Variants in FUBP1 observed in about 807,000 individuals in gnomAD.
FUBP1 encodes far upstream element binding protein 1.
Under a neutral mutation model 94.9 loss-of-function variants are expected in FUBP1, and 16 were observed. That is an observed-to-expected ratio of 0.17 (90% confidence interval 0.11 to 0.26). The LOEUF is 0.26. FUBP1 is among the 10% of genes least tolerant of loss of function. The pLI, the probability that FUBP1 is intolerant of heterozygous loss-of-function variation, is 1.00. For synonymous variants in FUBP1, 279 were observed against 254.9 expected, an observed-to-expected ratio of 1.09 and a Z score of -0.90; for missense variants, 583 against 808.6, an observed-to-expected ratio of 0.72 and a Z score of 3.38.
chr1:77,960,561 C>T, intron 14 of FUBP1, 66 bp from the exon 15 acceptor site: 1 of 1,257,844 alleles, frequency 8.0e-7, no homozygotes, highest in Non-Finnish European at 1.1e-6. Context: ...ACTCTACGGC[C>T]AAATAATCAT....
At chr1:77,961,086 AAT>A (rs1655388241) in intron 14 of FUBP1, among the ~76,000 whole-genome samples, 1 of 152,206 alleles carries the variant, frequency 6.6e-6, no homozygotes. Context: ...CATGATGTTT[AAT>A]AGCACAAAAA....
Position 77,964,965 on chromosome 1 carries a change from G to A in FUBP1, c.640C>T (p.Arg214Trp), listed in dbSNP as rs1656198669. ...GGETIKQLQERAGVKMVMIQD... is the reference protein window; with the variant it reads ...GGETIKQLQEWAGVKMVMIQD... ...ATCATAACCATTTTAACTCCAGCCC[G>A]TTCCTGTTACAATCATAGAAATAAT... The change falls in exon 9 of 20, where the codon CGG becomes TGG. Residue 214 changes from arginine to tryptophan, a missense_variant. By Grantham distance (101) the Arg-to-Trp change is moderately radical. Coordinates refer to ENST00000370768, the MANE Select transcript of FUBP1 (RefSeq NM_003902.5). The A allele has an allele frequency of 3.1e-6, 5 of 1,609,262 alleles. No individual in the cohort carries two copies. Among genetic ancestry groups the A allele is most frequent in the Admixed American group, 1.7e-5 (1 of 59,976 alleles).
At chr1:77,968,051 T>C (rs1220577171) in intron 3 of FUBP1, 114 bp downstream of exon 3, 17 of 641,524 alleles carry the variant, frequency 2.6e-5, no homozygotes, top group Non-Finnish European at 4.5e-5. Flanking sequence ...TCAGGCTAGC[T>C]GATCCAAAAT....
At chr1:77,972,095 T>C (rs566427552) in intron 1 of FUBP1, among the ~76,000 whole-genome samples, 1 of 152,296 alleles carries the variant, frequency 6.6e-6, no homozygotes, top group African/African-American at 2.4e-5. Context: ...AAACCTGTTT[T>C]TGTTTCTGGG....
At chr1:77,972,446 A>G (rs1657739151) in intron 1 of FUBP1, among the ~76,000 whole-genome samples, 2 of 152,038 alleles carry the variant, frequency 1.3e-5, no homozygotes, top group Admixed American at 1.3e-4. Flanking sequence ...AACTAACCAA[A>G]TGAAAATGAA....
chr1:77,977,436 G>A (rs1343216889), intron 1 of FUBP1, among the ~76,000 whole-genome samples: 1 of 152,206 alleles, frequency 6.6e-6, no homozygotes, highest in Non-Finnish European at 1.5e-5. Flanking sequence ...TGAGGCAGGA[G>A]AATTGCTTGA....
At chr1:77,976,415 A>T (rs901704960) in intron 1 of FUBP1, among the ~76,000 whole-genome samples, 1 of 152,242 alleles carries the variant, frequency 6.6e-6, no homozygotes, top group African/African-American at 2.4e-5. Flanking sequence ...AGCATTATAC[A>T]ACAATAAATT....
chr1:77,956,290 A>T (rs1654445112), intron 17 of FUBP1, among the ~76,000 whole-genome samples: 1 of 152,190 alleles, frequency 6.6e-6, no homozygotes, highest in Non-Finnish European at 1.5e-5. Flanking sequence ...ATTATAATGG[A>T]TATTTAAAAT....
chr1:77,955,719 G>A (rs1021587411), intron 17 of FUBP1, among the ~76,000 whole-genome samples: 11 of 152,220 alleles, frequency 7.2e-5, no homozygotes, highest in East Asian at 1.9e-4. Flanking sequence ...TACATATATC[G>A]ATGTTTATGT....
Position 77,964,303 on chromosome 1 carries a change from C to T in FUBP1, c.891G>A (p.Met297Ile), listed in dbSNP as rs1045993780. ...VGIVIGRNGE[M>I]IKKIQNDAGV... ...CAGCATCATTTTGTATTTTTTTGAT[C>T]ATCTCTCCATTTCTTCCTATTACAA... Residue 297 changes from methionine (M) to isoleucine (I), a missense_variant, in exon 11 of 20, where the codon ATG becomes ATA. Physicochemically the swap from Met to Ile is conservative, Grantham distance 10 (BLOSUM62 1). Coordinates refer to ENST00000370768, the MANE Select transcript of FUBP1 (RefSeq NM_003902.5). The T allele has an allele frequency of 6.2e-7, 1 of 1,608,640 alleles. No homozygotes were observed. Among genetic ancestry groups the T allele is most frequent in the Non-Finnish European group, 8.5e-7 (1 of 1,178,904 alleles).
At chr1:77,968,977 T>G in intron 2 of FUBP1, 1 of 654,874 alleles carries the variant, frequency 1.5e-6, no homozygotes, top group Non-Finnish European at 2.5e-6. Flanking sequence ...ACTGGTTTAT[T>G]TCACGTTTAC....
chr1:77,955,380 A>C, intron 17 of FUBP1, 51 bp from the exon 18 acceptor site: 1 of 1,134,366 alleles, frequency 8.8e-7, no homozygotes, highest in Non-Finnish European at 1.3e-6. Flanking sequence ...TTTAAAAGGC[A>C]ATTTTGGCCG....
intron 17 of FUBP1, among the ~76,000 whole-genome samples, chr1:77,955,867 TA>T (rs1473362628): frequency 1.3e-5 from 2 of 152,112 alleles, no homozygotes; most frequent in African/African-American, 4.8e-5. Flanking sequence ...CATACTCTAC[TA>T]AAAGGAATAA....
At position 77,969,829 on chromosome 1, in the gene FUBP1, A is replaced by G. The variant is rs1557465145; in HGVS notation, c.211+96T>C. ...TTACAATTTTAACAACCTTATAATA[A>G]AAGTTAATATCTCAATAAAATAACA... On this transcript the variant is annotated intron_variant, in intron 2 of 19. Transcript: ENST00000370768. The G allele has an allele frequency of 1.3e-5, 7 of 534,552 alleles. No individual in the cohort carries two copies. The South Asian group carries it at 2.6e-4, about 20-fold the overall frequency. The allele number at this position is 534,552 out of a possible 1,614,324, so 33.1% of individuals were successfully genotyped here.
chr1:77,948,800 T>C, intron 19 of FUBP1, 26 bp from the exon 20 acceptor site: 4 of 1,607,644 alleles, frequency 2.5e-6, no homozygotes, highest in East Asian at 2.2e-5. Context: ...ACATAAGAAA[T>C]ACACAAAAAG....
chr1:77,970,543 G>A (rs1392569096), intron 1 of FUBP1, among the ~76,000 whole-genome samples: 1 of 152,162 alleles, frequency 6.6e-6, no homozygotes, highest in African/African-American at 2.4e-5. Flanking sequence ...CACATGCAAA[G>A]GGGGTAATAT....
intron 10 of FUBP1, 76 bp downstream of exon 10, chr1:77,964,570 C>T: frequency 5.7e-6 from 5 of 875,082 alleles, no homozygotes; most frequent in Non-Finnish European, 9.5e-6. Flanking sequence ...GTTAGAGCTA[C>T]TTAACACAAA....
At chr1:77,976,215 T>C (rs561245615) in intron 1 of FUBP1, among the ~76,000 whole-genome samples, 2 of 152,368 alleles carry the variant, frequency 1.3e-5, no homozygotes, top group East Asian at 3.9e-4. Context: ...GATATTAACC[T>C]AACTTTTGTC....
At chr1:77,977,230 G>A (rs1054101767) in intron 1 of FUBP1, among the ~76,000 whole-genome samples, 1 of 152,168 alleles carries the variant, frequency 6.6e-6, no homozygotes, top group Admixed American at 6.5e-5. Flanking sequence ...AAACAAGGCC[G>A]GGCGCAGCGG....
Sources: gnomAD v4.1 joint callset for allele counts (sites outside exome capture counted in the v4.1 genomes callset) on GRCh38, gnomAD v4.1.1 for gene constraint, MANE v1.5 for transcripts, NCBI Gene and HGNC (gene_info 2026-07-23, HGNC 2026-07-21) for gene names.